Variants in PDE4B observed in about 807,000 individuals in gnomAD.
PDE4B encodes 3',5'-cyclic-AMP phosphodiesterase 4B.
A neutral mutation model predicts 82.2 loss-of-function variants in PDE4B; 20 were observed. That is an observed-to-expected ratio of 0.24 (90% CI 0.17 to 0.35). The LOEUF (loss-of-function observed/expected upper bound fraction) is 0.35, where lower values mean the gene tolerates loss of function less well. Ranked by LOEUF, PDE4B falls within the 10% of genes least tolerant of loss-of-function variation. The probability of loss-of-function intolerance (pLI) is 1.00; values close to 1 mark genes in which losing one functional copy is unlikely to be tolerated. For synonymous variants in PDE4B, 320 were observed against 318.9 expected, an observed-to-expected ratio of 1.00 and a Z score of -0.04; for missense variants, 655 against 907.2, an observed-to-expected ratio of 0.72 and a Z score of 3.57.
intron 3 of PDE4B, among the ~76,000 whole-genome samples, chr1:66,003,399 G>C (rs998618940): frequency 5.9e-5 from 9 of 151,462 alleles, no homozygotes; most frequent in Admixed American, 5.9e-4. Context: ...GATAGGAAGA[G>C]AACCACTTTG....
At chr1:65,926,872 A>C (rs866306697) in intron 3 of PDE4B, among the ~76,000 whole-genome samples, 1 of 152,190 alleles carries the variant, frequency 6.6e-6, no homozygotes, top group Non-Finnish European at 1.5e-5. Context: ...AAATCAAATA[A>C]TAAAAACAGA....
chr1:66,161,150 A>C (rs1047183974), intron 3 of PDE4B, among the ~76,000 whole-genome samples: 1 of 152,132 alleles, frequency 6.6e-6, no homozygotes, highest in South Asian at 2.1e-4. Flanking sequence ...TTGGCATTCA[A>C]ATTGGGCATC....
At chr1:66,115,597 G>C (rs553431055) in intron 3 of PDE4B, among the ~76,000 whole-genome samples, 1 of 152,196 alleles carries the variant, frequency 6.6e-6, no homozygotes, top group African/African-American at 2.4e-5. Flanking sequence ...GTCTCATATA[G>C]AATATAGAAT....
intron 3 of PDE4B, among the ~76,000 whole-genome samples, chr1:65,934,892 T>A (rs566616272): frequency 1.3e-5 from 2 of 151,972 alleles, no homozygotes; most frequent in East Asian, 3.9e-4. Flanking sequence ...CCTAAAGAAA[T>A]AATACACAAA....
At chr1:66,197,140 G>T (rs994768348) in intron 3 of PDE4B, among the ~76,000 whole-genome samples, 7 of 151,998 alleles carry the variant, frequency 4.6e-5, no homozygotes, top group African/African-American at 1.7e-4. Flanking sequence ...TACCAAATAG[G>T]AGTATCACTC....
intron 1 of PDE4B, among the ~76,000 whole-genome samples, chr1:65,903,132 C>A (rs2100427274): frequency 6.6e-6 from 1 of 152,220 alleles, no homozygotes; most frequent in African/African-American, 2.4e-5. Flanking sequence ...TAGTGGTTTT[C>A]AAGCTTTTCT....
intron 13 of PDE4B, among the ~76,000 whole-genome samples, 165 bp downstream of exon 13, chr1:66,365,931 G>A (rs1224646577): frequency 6.6e-6 from 1 of 152,108 alleles, no homozygotes; most frequent in Admixed American, 6.5e-5. Flanking sequence ...AGTCCAATCT[G>A]GCAACACAAT....
At chr1:66,253,589 A>G (rs1372451427) in intron 4 of PDE4B, among the ~76,000 whole-genome samples, 1 of 152,228 alleles carries the variant, frequency 6.6e-6, no homozygotes, top group Admixed American at 6.5e-5. Flanking sequence ...TGGGAAAGTA[A>G]GAAGTGTATC....
intron 8 of PDE4B, among the ~76,000 whole-genome samples, chr1:66,341,354 T>A (rs756607305): frequency 6.6e-6 from 1 of 152,226 alleles, no homozygotes; most frequent in Non-Finnish European, 1.5e-5. Context: ...GAGAAAGACA[T>A]GGGACATTCT....
At chr1:66,210,855 A>G (rs1649991450) in intron 3 of PDE4B, among the ~76,000 whole-genome samples, 2 of 152,156 alleles carry the variant, frequency 1.3e-5, no homozygotes, top group Non-Finnish European at 2.9e-5. Context: ...TCCTGATCAT[A>G]AGACCATATT....
At chr1:66,116,561 AC>A (rs980357032) in intron 3 of PDE4B, among the ~76,000 whole-genome samples, 4 of 150,956 alleles carry the variant, frequency 2.6e-5, no homozygotes, top group Admixed American at 1.3e-4. Flanking sequence ...CAGTATAAAG[AC>A]CCCCCCAGCC....
At chr1:66,076,220 C>CT (rs756139968) in intron 3 of PDE4B, among the ~76,000 whole-genome samples, 2 of 152,034 alleles carry the variant, frequency 1.3e-5, no homozygotes, top group Non-Finnish European at 2.9e-5. Flanking sequence ...TTGTTCTCAC[C>CT]TTTAAGTCCA....
At chr1:66,047,345 T>A (rs1654772760) in intron 3 of PDE4B, among the ~76,000 whole-genome samples, 1 of 151,886 alleles carries the variant, frequency 6.6e-6, no homozygotes, top group African/African-American at 2.4e-5. Flanking sequence ...ATTATAGGTG[T>A]TAATATATGA....
chr1:65,954,820 A>G (rs1004322541), intron 3 of PDE4B, among the ~76,000 whole-genome samples: 7 of 152,130 alleles, frequency 4.6e-5, no homozygotes, highest in South Asian at 2.1e-4. Context: ...AATATTTTCT[A>G]TTTCCTTTTT....
At chr1:66,325,517 C>T (rs187483703) in intron 7 of PDE4B, among the ~76,000 whole-genome samples, 47 of 152,294 alleles carry the variant, frequency 3.1e-4, no homozygotes, top group Non-Finnish European at 4.9e-4. Flanking sequence ...CAATTCTCCA[C>T]ATCTGAAAGG....
intron 7 of PDE4B, among the ~76,000 whole-genome samples, chr1:66,302,670 C>T (rs1311337219): frequency 6.6e-6 from 1 of 152,136 alleles, no homozygotes; most frequent in African/African-American, 2.4e-5. Flanking sequence ...AGTGACTGGT[C>T]AGCATTCACA....
intron 3 of PDE4B, among the ~76,000 whole-genome samples, chr1:66,044,601 C>G (rs556820862): frequency 2.3e-4 from 35 of 151,696 alleles, no homozygotes; most frequent in Non-Finnish European, 4.3e-4. Flanking sequence ...GGACTCACGA[C>G]GAGCACAGAA....
chr1:65,899,189 A>G (rs145527563), intron 1 of PDE4B, among the ~76,000 whole-genome samples: 60 of 152,244 alleles, frequency 3.9e-4, no homozygotes, highest in African/African-American at 1.2e-3. Flanking sequence ...AAGAATATGT[A>G]CAATTGGCCA....
At chr1:65,971,395 A>G (rs1650130570) in intron 3 of PDE4B, among the ~76,000 whole-genome samples, 1 of 152,206 alleles carries the variant, frequency 6.6e-6, no homozygotes, top group Non-Finnish European at 1.5e-5. Flanking sequence ...ACATGTTAAT[A>G]GCAGCGATTG....
Sources: allele counts gnomAD v4.1 joint callset (sites outside exome capture counted in the v4.1 genomes callset), GRCh38; gene constraint gnomAD v4.1.1; transcripts MANE v1.5; gene names NCBI Gene and HGNC (gene_info 2026-07-23, HGNC 2026-07-21).